Variants in ATL1 observed in about 807,000 individuals in gnomAD.
ATL1 encodes atlastin-1.
A neutral mutation model predicts 75.5 loss-of-function variants in ATL1; 31 were observed. The observed-to-expected ratio is 0.41, with a 90% CI of 0.31 to 0.55. The LOEUF is 0.55. Ranked by LOEUF, ATL1 falls within the 20% of genes least tolerant of loss-of-function variation. The probability of loss-of-function intolerance (pLI) is 0.27; values close to 1 mark genes in which losing one functional copy is unlikely to be tolerated. For synonymous variants in ATL1, 226 were observed against 233.3 expected (o/e 0.97, Z 0.28); for missense variants, 405 against 662.6 (o/e 0.61, Z 4.27).
chr14:50,629,954 A>G (rs765757588), intron 12 of ATL1, 41 bp from the exon 13 acceptor site: 1 of 1,502,696 alleles, frequency 6.7e-7, no homozygotes, highest in South Asian at 1.2e-5. Flanking sequence ...AAAGCAGGAT[A>G]TATACTTTTC....
chr14:50,538,973 C>T (rs1168466284), intron 1 of ATL1, among the ~76,000 whole-genome samples: 1 of 152,222 alleles, frequency 6.6e-6, no homozygotes, highest in Non-Finnish European at 1.5e-5. Context: ...GTGCGCACCA[C>T]TGTGCCCAGC....
intron 13 of ATL1, among the ~76,000 whole-genome samples, chr14:50,631,751 A>G (rs1857194878): frequency 6.6e-6 from 1 of 152,216 alleles, no homozygotes; most frequent in African/African-American, 2.4e-5. Context: ...GGGGAAGGAC[A>G]CCATATGTGC....
At chr14:50,598,243 G>A (rs2039239644) in intron 6 of ATL1, among the ~76,000 whole-genome samples, 1 of 152,128 alleles carries the variant, frequency 6.6e-6, no homozygotes, top group South Asian at 2.1e-4. Context: ...CAACAAATTA[G>A]TCAAACTCAG....
upstream of ATL1, among the ~76,000 whole-genome samples, chr14:50,557,950 T>C (rs1489278078): frequency 6.6e-6 from 1 of 152,148 alleles, no homozygotes; most frequent in Non-Finnish European, 1.5e-5. Context: ...AAAGGGACAA[T>C]GTTAAAAGGA....
intron 6 of ATL1, among the ~76,000 whole-genome samples, chr14:50,595,991 A>G (rs1277702506): frequency 6.6e-6 from 1 of 152,088 alleles, no homozygotes; most frequent in Non-Finnish European, 1.5e-5. Context: ...ATCCAGCCAT[A>G]TCTTATGAGA....
chr14:50,538,165 C>T (rs1254037066), intron 1 of ATL1, among the ~76,000 whole-genome samples: 3 of 152,174 alleles, frequency 2.0e-5, no homozygotes, highest in Admixed American at 6.5e-5. Context: ...GAATAAGTCT[C>T]ATGAGATCTG....
intron 8 of ATL1, among the ~76,000 whole-genome samples, chr14:50,618,714 C>T (rs1462019798): frequency 6.6e-6 from 1 of 152,086 alleles, no homozygotes; most frequent in Non-Finnish European, 1.5e-5. Context: ...TCACCAACCC[C>T]AAAGCCTGAA....
chr14:50,571,716 TG>T (rs1312864950), intron 1 of ATL1, among the ~76,000 whole-genome samples: 1 of 152,204 alleles, frequency 6.6e-6, no homozygotes, highest in African/African-American at 2.4e-5. Context: ...AATACATTAC[TG>T]GGTTTGCTAA....
intron 1 of ATL1, among the ~76,000 whole-genome samples, chr14:50,585,151 A>G (rs1190325038): frequency 6.6e-6 from 1 of 152,222 alleles, no homozygotes; most frequent in African/African-American, 2.4e-5. Flanking sequence ...TAGAAAGGAT[A>G]TGGATCAATA....
chr14:50,589,122 T>A (rs2039129779), intron 2 of ATL1, among the ~76,000 whole-genome samples: 1 of 151,542 alleles, frequency 6.6e-6, no homozygotes, highest in Non-Finnish European at 1.5e-5. Flanking sequence ...CATGGTGATA[T>A]GGTGACAGAT....
upstream of ATL1, chr14:50,559,818 G>A (rs953611913): frequency 6.1e-6 from 1 of 165,272 alleles, no homozygotes; most frequent in African/African-American, 2.4e-5. Flanking sequence ...TTGCCAGCTT[G>A]TTTGTACTAA....
chr14:50,537,568 C>T (rs1261199280), intron 1 of ATL1, among the ~76,000 whole-genome samples: 1 of 152,212 alleles, frequency 6.6e-6, no homozygotes, highest in African/African-American at 2.4e-5. Context: ...GCTGCAGACA[C>T]TCAACATGGC....
intron 1 of ATL1, among the ~76,000 whole-genome samples, chr14:50,551,669 A>G (rs1386669075): frequency 6.6e-6 from 1 of 152,232 alleles, no homozygotes; most frequent in Non-Finnish European, 1.5e-5. Flanking sequence ...TCAAAAAGAT[A>G]ATATACATGA....
intron 11 of ATL1, among the ~76,000 whole-genome samples, chr14:50,625,987 G>A (rs959440901): frequency 6.6e-6 from 1 of 152,018 alleles, no homozygotes; most frequent in African/African-American, 2.4e-5. Context: ...TAACAGTACA[G>A]CTGTTTACAG....
At chr14:50,616,077 T>C (rs768178519) in intron 8 of ATL1, among the ~76,000 whole-genome samples, 16 of 152,130 alleles carry the variant, frequency 1.1e-4, no homozygotes, top group Non-Finnish European at 2.2e-4. Context: ...CACTGCAACC[T>C]TGAACTCCTG....
intron 2 of ATL1, among the ~76,000 whole-genome samples, chr14:50,589,930 T>G (rs948860387): frequency 6.6e-6 from 1 of 152,246 alleles, no homozygotes; most frequent in Non-Finnish European, 1.5e-5. Flanking sequence ...TTCCAAAAAC[T>G]AATAACTTAT....
At position 50,614,281 on chromosome 14, in the gene ATL1, A is replaced by G. The variant is rs1351353049; in HGVS notation, c.724-92A>G. 2.2e-6 allele frequency: 3 copies of G among 1,391,346 alleles called. No individual in the cohort carries two copies. The East Asian group carries it at 7.1e-5, about 33-fold the overall frequency. The allele number at this position is 1,391,346 out of a possible 1,614,324, so 86.2% of individuals were successfully genotyped here. ...GTCGTGTCATTTTCATCATTGTGGG[A>G]CCAAACAGACATAGCAAATATAAGA... On this transcript the variant is annotated intron_variant, in intron 7 of 13. Coordinates refer to ENST00000358385, the MANE Select transcript of ATL1 (RefSeq NM_015915.5).
chr14:50,621,919 C>G lies in ATL1; in HGVS notation c.1047+20C>G, dbSNP rs754774903. The G allele has an allele frequency of 6.4e-7, 1 of 1,554,596 alleles. No homozygotes were observed. Among genetic ancestry groups the G allele is most frequent in the South Asian group, 1.1e-5 (1 of 89,438 alleles). On this transcript the variant is annotated intron_variant, in intron 10 of 13. Transcript: ENST00000358385. ...TTACAGGTATTTATTAATGAGGAGG[C>G]ATGTTTTAAGACACGTGACTAAGGC...
intron 1 of ATL1, among the ~76,000 whole-genome samples, chr14:50,551,082 C>G (rs1427831830): frequency 1.3e-5 from 2 of 151,660 alleles, no homozygotes; most frequent in East Asian, 3.9e-4. Context: ...ACAGATGAAA[C>G]AAAAAGCTGT....
Sources: allele counts gnomAD v4.1 joint callset (sites outside exome capture counted in the v4.1 genomes callset), GRCh38; gene constraint gnomAD v4.1.1; transcripts MANE v1.5; gene names NCBI Gene and HGNC (gene_info 2026-07-23, HGNC 2026-07-21).